Variants in DYNC2H1 observed in about 807,000 individuals in gnomAD.
DYNC2H1 encodes the protein cytoplasmic dynein 2 heavy chain 1.
DYNC2H1 carries 410 observed loss-of-function variants against 570.0 expected under a neutral mutation model. The ratio of observed to expected loss-of-function variants is 0.72; its 90% CI spans 0.66 to 0.78. DYNC2H1 has a LOEUF of 0.78. DYNC2H1 is among the 30% of genes least tolerant of loss of function. The probability of loss-of-function intolerance (pLI) is 0.00; values close to 1 mark genes in which losing one functional copy is unlikely to be tolerated. For missense variants in DYNC2H1, 4,865 were observed against 5,046.4 expected (o/e 0.96, Z 1.09); for synonymous variants, 1,688 against 1,677.6 (o/e 1.01, Z -0.15).
At chr11:103,274,355 G>A (rs1364993945) in intron 70 of DYNC2H1, among the ~76,000 whole-genome samples, 1 of 151,950 alleles carries the variant, frequency 6.6e-6, no homozygotes, top group Non-Finnish European at 1.5e-5. Flanking sequence ...GTGAGACCAT[G>A]TCTGTAAAAA....
intron 6 of DYNC2H1, among the ~76,000 whole-genome samples, chr11:103,120,172 CT>C (rs1352725119): frequency 2.0e-5 from 3 of 152,042 alleles, no homozygotes; most frequent in Non-Finnish European, 4.4e-5. Flanking sequence ...CTGTGTTAAA[CT>C]TTAAACATAG....
Position 103,186,483 on chromosome 11 carries a change from C to T in DYNC2H1, c.6875C>T (p.Pro2292Leu). 5 of 1,611,032 alleles carry T rather than the reference C, an allele frequency of 3.1e-6. No individual in the cohort carries two copies. The highest frequency in any genetic ancestry group is 3.4e-6 in the Non-Finnish European group (4 of 1,178,866). ...AAACAGCCCTTTATTCTGGTAGGAC[C>T]AGAAGGATGTGGCAAAGGGTAAGAA... is the stretch of plus-strand genomic sequence containing the variant. The part of the protein sequence containing the change: ...DTKQPFILVG[P>L]EGCGKGMLLR... Residue 2292 changes from proline to leucine, a missense_variant, in exon 42 of 89, where the codon CCA (proline) becomes CTA (leucine). Physicochemically the swap from Pro to Leu is moderately conservative, Grantham distance 98. Transcript: ENST00000375735. The surrounding 1 kb of genome is among the most constrained non-coding windows in gnomAD (Gnocchi z 4.5).
intron 15 of DYNC2H1, 29 bp from the exon 16 acceptor site, chr11:103,135,466 A>G: frequency 6.9e-7 from 1 of 1,452,052 alleles, no homozygotes. Context: ...CCTAATTTTT[A>G]AATTAAAAAT....
intron 44 of DYNC2H1, among the ~76,000 whole-genome samples, chr11:103,188,998 A>G (rs1277144927): frequency 6.6e-6 from 1 of 152,106 alleles, no homozygotes; most frequent in Non-Finnish European, 1.5e-5. Flanking sequence ...TGAAGATAAC[A>G]AAAAGAGAAT....
rs1382690582 is a variant in DYNC2H1 at position 103,280,635 on chromosome 11, A to G, written c.10761+222A>G. On this transcript the variant is annotated intron_variant, in intron 71 of 88. Transcript: ENST00000375735. This position sits in a 1 kb window ranked among gnomAD's most constrained non-coding sequence, Gnocchi z 4.7. ...TGGTAAAGCAGGGAAAGAAATCTAC[A>G]AAGCTGCCTACATTTTTCTGAACCC... is the stretch of plus-strand genomic sequence containing the variant. Among the ~76,000 whole-genome samples, 1 of 152,160 alleles carries G rather than the reference A, an allele frequency of 6.6e-6. No individual in the cohort carries two copies.
rs1304830876 is a variant in DYNC2H1 at position 103,311,776 on chromosome 11, AG to A, written c.11494-101del. On this transcript the variant is annotated intron_variant, in intron 78 of 88. Coordinates refer to ENST00000375735, the MANE Select transcript of DYNC2H1 (RefSeq NM_001377.3). ...ATAATTTAACTCAAACCCGGTAAGC[AG>A]TGAAAAATTTTCTTTAAATTATGTT... The A allele has an allele frequency of 1.3e-5, 15 of 1,129,726 alleles. No homozygotes were observed. In the African/African-American group the frequency reaches 2.4e-4, roughly 18 times the overall value. 70.0% of individuals were successfully genotyped at this position (1,129,726 alleles called of 1,614,324 possible). A position where few individuals can be genotyped will look rare whatever the true frequency, so the allele number is the denominator to read the frequency against.
At chr11:103,473,558 C>T (rs2135863105) in intron 88 of DYNC2H1, among the ~76,000 whole-genome samples, 1 of 152,130 alleles carries the variant, frequency 6.6e-6, no homozygotes, top group South Asian at 2.1e-4. Flanking sequence ...CACAATATTC[C>T]CTCCCTTGGA....
At position 103,307,769 on chromosome 11, in the gene DYNC2H1, G is replaced by T; in HGVS notation, c.11431G>T (p.Ala3811Ser). 6.2e-7 allele frequency: 1 copy of T among 1,606,560 alleles called. No individual in the cohort carries two copies. The highest frequency in any genetic ancestry group is 1.1e-5 in the South Asian group (1 of 89,588). Residue 3811 changes from alanine (A) to serine (S), a missense_variant, in exon 78 of 89, where the codon GCA (alanine) becomes TCA (serine). Around this residue, in one of 5 missense-constraint regions of DYNC2H1, gnomAD observed 2,401 missense variants for 2,454.6 expected, o/e 0.98. Coordinates refer to ENST00000375735, the MANE Select transcript of DYNC2H1 (RefSeq NM_001377.3). ...AGATACCTTTCGTCTTTGGCTCACT[G>T]CAGAAGTTCATCCCAACTTTACTCC... is the stretch of plus-strand genomic sequence containing the variant. The part of the protein sequence containing the change: ...PKDTFRLWLT[A>S]EVHPNFTPIL...
rs1213045234 is a variant in DYNC2H1 at position 103,268,803 on chromosome 11, A to G, written c.10695+8826A>G. 6.6e-6 allele frequency among the ~76,000 whole-genome samples: 1 copy of G among 151,988 alleles called. No homozygotes were observed. The highest frequency in any genetic ancestry group is 1.5e-5 in the Non-Finnish European group (1 of 67,914). ...ATTTGAAATATTAGTAGCTTTTCTT[A>G]TTAGGAGTTAGTTGCTTGTTTCTAA... On this transcript the variant is annotated intron_variant, in intron 70 of 88. Transcript: ENST00000375735. The surrounding 1 kb of genome is among the most constrained non-coding windows in gnomAD (Gnocchi z 4.6).
At chr11:103,372,308 C>T (rs544732518) in intron 83 of DYNC2H1, among the ~76,000 whole-genome samples, 15 of 152,148 alleles carry the variant, frequency 9.9e-5, no homozygotes, top group African/African-American at 3.4e-4. Context: ...CGTGAGCCTC[C>T]GCGCCCAGCC....
chr11:103,293,949 C>T (rs1471329653), intron 75 of DYNC2H1, among the ~76,000 whole-genome samples: 11 of 152,052 alleles, frequency 7.2e-5, no homozygotes, highest in Middle Eastern at 3.4e-3. Context: ...TGGTGGCAGG[C>T]GCCTCTAATC....
chr11:103,265,038 A>G (rs375739736), intron 70 of DYNC2H1, among the ~76,000 whole-genome samples: 40 of 152,352 alleles, frequency 2.6e-4, no homozygotes, highest in African/African-American at 9.4e-4. Flanking sequence ...ATACAAAAAA[A>G]GGATGAATTC....
At chr11:103,270,820 T>G (rs1865683098) in intron 70 of DYNC2H1, among the ~76,000 whole-genome samples, 1 of 152,210 alleles carries the variant, frequency 6.6e-6, no homozygotes, top group African/African-American at 2.4e-5. Flanking sequence ...TCTTTGTTTT[T>G]GGGGTTTTCC....
chr11:103,278,533 A>G (rs1052899587), intron 70 of DYNC2H1, among the ~76,000 whole-genome samples: 1 of 152,088 alleles, frequency 6.6e-6, no homozygotes, highest in Non-Finnish European at 1.5e-5. Context: ...TGGAATTTAT[A>G]TCCAGTTTCT....
At chr11:103,158,835 T>C in intron 27 of DYNC2H1, 26 bp downstream of exon 27, 2 of 1,455,458 alleles carry the variant, frequency 1.4e-6, no homozygotes, top group Non-Finnish European at 1.8e-6. Context: ...AAAAAATATA[T>C]AATAAATTGT....
chr11:103,112,022 A>ATAAT (rs1858139638), intron 1 of DYNC2H1, among the ~76,000 whole-genome samples: 1 of 152,240 alleles, frequency 6.6e-6, no homozygotes, highest in Non-Finnish European at 1.5e-5. Flanking sequence ...TAAGATAAAA[A>ATAAT]TAATGTTATA....
At chr11:103,121,174 TA>T (rs1858685503) in intron 9 of DYNC2H1, 138 bp downstream of exon 9, 2 of 912,490 alleles carry the variant, frequency 2.2e-6, no homozygotes, top group Non-Finnish European at 3.1e-6. Flanking sequence ...CTTATTCTGT[TA>T]TAAATGACAG....
chr11:103,186,986 AT>A lies in DYNC2H1; in HGVS notation c.6894-353del, dbSNP rs2135031417. On this transcript the variant is annotated intron_variant, in intron 42 of 88. Coordinates refer to ENST00000375735, the MANE Select transcript of DYNC2H1 (RefSeq NM_001377.3). The surrounding 1 kb of genome is among the most constrained non-coding windows in gnomAD (Gnocchi z 4.5). ...GTAATTTTAAAAATTGTATAAAATCATAGTAATTTTTTTAAACTCATGGAAC... is the reference window on the plus strand; with the variant it reads ...GTAATTTTAAAAATTGTATAAAATCAAGTAATTTTTTTAAACTCATGGAAC... Among the ~76,000 whole-genome samples, 1 of 152,108 alleles carries A rather than the reference AT, an allele frequency of 6.6e-6. No individual in the cohort carries two copies. Among genetic ancestry groups the A allele is most frequent in the South Asian group, 2.1e-4 (1 of 4,816 alleles).
intron 82 of DYNC2H1, among the ~76,000 whole-genome samples, chr11:103,328,895 T>C (rs1374887645): frequency 1.3e-5 from 2 of 152,148 alleles, no homozygotes; most frequent in East Asian, 3.9e-4. Context: ...CAAGAGACTT[T>C]GGGTTTTGTT....
Sources: gnomAD v4.1 joint callset for allele counts (sites outside exome capture counted in the v4.1 genomes callset) on GRCh38, gnomAD v4.1.1 for gene constraint, gnomAD v4.1.1 regional missense constraint, Gnocchi (gnomAD v3.1) non-coding constraint, MANE v1.5 for transcripts, NCBI Gene and HGNC (gene_info 2026-07-23, HGNC 2026-07-21) for gene names.